Variants in NDUFA8 observed in about 807,000 individuals in gnomAD.
NDUFA8 encodes the protein NADH dehydrogenase [ubiquinone] 1 alpha subcomplex subunit 8.
Under a neutral mutation model 20.9 loss-of-function variants are expected in NDUFA8, and 16 were observed. That is an observed-to-expected ratio of 0.77 (90% CI 0.52 to 1.16). NDUFA8 has a LOEUF of 1.16. Ranked by LOEUF, NDUFA8 falls within the 50% of genes most tolerant of loss-of-function variation. The pLI is 0.00. For missense variants in NDUFA8, 202 were observed against 216.4 expected, an observed-to-expected ratio of 0.93 and a Z score of 0.42; for synonymous variants, 70 against 76.1, an observed-to-expected ratio of 0.92 and a Z score of 0.41.
At chr9:122,159,494 G>A in intron 1 of NDUFA8, 133 bp downstream of exon 1, 1 of 1,081,616 alleles carries the variant, frequency 9.2e-7, no homozygotes. Flanking sequence ...TCCGGGGGTC[G>A]ACCTGTATAT....
intron 3 of NDUFA8, 56 bp from the exon 4 acceptor site, chr9:122,144,434 T>A: frequency 6.5e-7 from 1 of 1,541,760 alleles, no homozygotes; most frequent in Non-Finnish European, 9.0e-7. Flanking sequence ...GAGGAATCTG[T>A]AACCATCAAT....
chr9:122,143,099 T>A (rs1003784020), downstream of NDUFA8, among the ~76,000 whole-genome samples: 3 of 152,176 alleles, frequency 2.0e-5, no homozygotes, highest in Non-Finnish European at 2.9e-5. Context: ...TTCTTTGAAC[T>A]GTCCTAGCAC....
intron 2 of NDUFA8, among the ~76,000 whole-genome samples, chr9:122,151,583 G>C (rs1236182924): frequency 6.6e-6 from 1 of 152,208 alleles, no homozygotes; most frequent in Non-Finnish European, 1.5e-5. Flanking sequence ...CCAGAACTAA[G>C]AGATTGTGAA....
rs376255110 is a variant in NDUFA8, at chr9:122,152,359, G to A, written c.101C>T (p.Ala34Val). 5.0e-6 allele frequency: 8 copies of A among 1,613,892 alleles called. No individual in the cohort carries two copies. The African/African-American group carries it at 6.7e-5, about 13-fold the overall frequency. ...VLKAAAHHYG[A>V]QCDKPNKEFM... is the part of the protein sequence containing the mutation. The stretch of plus-strand genomic sequence containing the variant: ...CTCCTTGTTGGGCTTATCACATTGA[G>A]CTCCATAGTGATGGGCCGCAGCTTT... Residue 34 changes from alanine to valine, a missense_variant, in exon 2 of 4, where the codon GCT (alanine) becomes GTT (valine). By Grantham distance (64) the Ala-to-Val change is moderately conservative (BLOSUM62 0). Transcript: ENST00000373768.
At chr9:122,150,669 C>T (rs1192081010) in intron 2 of NDUFA8, among the ~76,000 whole-genome samples, 4 of 151,748 alleles carry the variant, frequency 2.6e-5, no homozygotes, top group Admixed American at 6.6e-5. Flanking sequence ...AATATATAAC[C>T]ATTAAGAATG....
intron 1 of NDUFA8, among the ~76,000 whole-genome samples, 160 bp downstream of exon 1, chr9:122,159,467 A>G (rs926491261): frequency 1.8e-4 from 27 of 152,106 alleles, no homozygotes; most frequent in Middle Eastern, 3.4e-3. Context: ...GCGACTCCCA[A>G]AGCTGCGGAG....
At chr9:122,152,120 T>C in intron 2 of NDUFA8, 125 bp downstream of exon 2, 2 of 1,074,700 alleles carry the variant, frequency 1.9e-6, no homozygotes, top group South Asian at 2.8e-5. Context: ...TTGAATGTTT[T>C]ACCTTGGTCT....
intron 2 of NDUFA8, among the ~76,000 whole-genome samples, chr9:122,150,475 C>T (rs1828978229): frequency 6.8e-6 from 1 of 147,852 alleles, no homozygotes; most frequent in Non-Finnish European, 1.5e-5. Flanking sequence ...GTTCAAAGCC[C>T]TTTATAGAGT....
chr9:122,144,016 T>C, downstream of NDUFA8: 1 of 1,357,356 alleles, frequency 7.4e-7, no homozygotes, highest in Non-Finnish European at 9.6e-7. Context: ...AAGTCATCTT[T>C]AAAGGCCAAA....
At chr9:122,132,697 T>C in the NDUFA8 span, among the ~76,000 whole-genome samples, 1 of 152,136 alleles carries the variant, frequency 6.6e-6, no homozygotes, top group African/African-American at 2.4e-5. Context: ...ACCCTAAGGG[T>C]ACATCCTGCT....
intron 2 of NDUFA8, among the ~76,000 whole-genome samples, chr9:122,151,203 G>A (rs965740981): frequency 4.6e-5 from 7 of 152,098 alleles, no homozygotes; most frequent in South Asian, 2.1e-4. Flanking sequence ...AGTGGACATC[G>A]GTGGTTTCTG....
intron 1 of NDUFA8, among the ~76,000 whole-genome samples, chr9:122,157,566 A>G (rs1314310350): frequency 1.3e-5 from 2 of 152,158 alleles, no homozygotes; most frequent in Non-Finnish European, 2.9e-5. Flanking sequence ...TATTTCAGAT[A>G]CATCAGTTGT....
intron 3 of NDUFA8, among the ~76,000 whole-genome samples, chr9:122,145,374 CA>C (rs1828891450): frequency 2.0e-5 from 3 of 152,012 alleles, no homozygotes; most frequent in Admixed American, 1.3e-4. Flanking sequence ...CTGATGGTCA[CA>C]AAAATCTCAA....
At chr9:122,143,797 T>C (rs1017409870), downstream of NDUFA8, among the ~76,000 whole-genome samples, 1 of 152,156 alleles carries the variant, frequency 6.6e-6, no homozygotes, top group African/African-American at 2.4e-5. Context: ...AGAAATCTAT[T>C]TGCCTAAGAC....
Position 122,148,245 on chromosome 9 carries a change from G to A in NDUFA8, c.248C>T (p.Thr83Ile), listed in dbSNP as rs1162868075. 1 of 1,614,180 alleles carries A rather than the reference G, an allele frequency of 6.2e-7. No individual in the cohort carries two copies. The highest frequency in any genetic ancestry group is 1.1e-5 in the South Asian group (1 of 91,086). ...QIKRHCAEPF[T>I]EYWTCIDYTG... ...ATAATCAATGCAAGTCCAATATTCT[G>A]TAAAAGGCTCTGCACAGTGACGTTT... The change falls in exon 3 of 4, where the codon ACA (threonine) becomes ATA (isoleucine). Residue 83 changes from threonine (T) to isoleucine (I), a missense_variant. Physicochemically the swap from Thr to Ile is moderately conservative, Grantham distance 89. Transcript: ENST00000373768.
At chr9:122,147,827 C>T (rs1164241287) in intron 3 of NDUFA8, among the ~76,000 whole-genome samples, 3 of 152,006 alleles carry the variant, frequency 2.0e-5, no homozygotes, top group South Asian at 2.1e-4. Flanking sequence ...GGGGTTTTAC[C>T]ATGTTAGCGA....
intron 2 of NDUFA8, among the ~76,000 whole-genome samples, chr9:122,148,551 G>A (rs891198958): frequency 1.3e-5 from 2 of 152,058 alleles, no homozygotes; most frequent in African/African-American, 4.8e-5. Context: ...ACTCAGAGAG[G>A]AACTCCTTAC....
chr9:122,154,458 C>T lies in NDUFA8; in HGVS notation c.52-2050G>A, dbSNP rs999201996. 2.6e-5 allele frequency among the ~76,000 whole-genome samples: 4 copies of T among 152,312 alleles called. No individual in the cohort carries two copies. The East Asian group carries it at 5.8e-4, about 22-fold the overall frequency. On this transcript the variant is annotated intron_variant, in intron 1 of 3. Coordinates refer to ENST00000373768, the MANE Select transcript of NDUFA8 (RefSeq NM_014222.3). ...TTGTTTATTCCTCAGTATTTTAGCA[C>T]TTTTGATACTATCTAAATAGGATAG...
intron 1 of NDUFA8, among the ~76,000 whole-genome samples, 179 bp from the exon 2 acceptor site, chr9:122,152,587 C>T (rs1469331813): frequency 2.0e-5 from 3 of 147,478 alleles, no homozygotes; most frequent in East Asian, 3.9e-4. Context: ...CAGGGTTTCA[C>T]TCCCATTCCC....
Sources: gnomAD v4.1 joint callset for allele counts (sites outside exome capture counted in the v4.1 genomes callset) on GRCh38, gnomAD v4.1.1 for gene constraint, MANE v1.5 for transcripts, NCBI Gene and HGNC (gene_info 2026-07-23, HGNC 2026-07-21) for gene names.